The following HPSE2 variants were observed in gnomAD, a reference collection of about 807,000 sequenced individuals.
HPSE2 encodes inactive heparanase-2.
HPSE2 carries 38 observed loss-of-function variants against 60.5 expected under a neutral mutation model. The observed-to-expected ratio is 0.63, with a 90% confidence interval of 0.48 to 0.82. The LOEUF (loss-of-function observed/expected upper bound fraction) is 0.82. Among genes scored for constraint, HPSE2 ranks in the 40% least tolerant of loss-of-function variants. The pLI, the probability that HPSE2 is intolerant of heterozygous loss-of-function variation, is 0.00. For synonymous variants in HPSE2, 295 were observed against 293.2 expected, an observed-to-expected ratio of 1.01 and a Z score of -0.06; for missense variants, 713 against 740.4, an observed-to-expected ratio of 0.96 and a Z score of 0.43.
intron 5 of HPSE2, among the ~76,000 whole-genome samples, chr10:98,719,804 C>T (rs946393998): frequency 6.6e-6 from 1 of 151,488 alleles, no homozygotes; most frequent in Non-Finnish European, 1.5e-5. Flanking sequence ...AGCTCAACAC[C>T]AGCCTGACCA....
At chr10:98,637,432 CAAT>C (rs376510472) in intron 7 of HPSE2, among the ~76,000 whole-genome samples, 1 of 152,156 alleles carries the variant, frequency 6.6e-6, no homozygotes, top group Non-Finnish European at 1.5e-5. Context: ...ACTATAACAA[CAAT>C]AATAATAGCA....
At chr10:99,178,808 C>A (rs1015238708) in intron 2 of HPSE2, among the ~76,000 whole-genome samples, 3 of 152,128 alleles carry the variant, frequency 2.0e-5, no homozygotes, top group Non-Finnish European at 4.4e-5. Context: ...CTGGCAGAGA[C>A]ACAACAAAAA....
intron 4 of HPSE2, among the ~76,000 whole-genome samples, chr10:98,736,357 CTT>C (rs1949358634): frequency 6.6e-6 from 1 of 152,032 alleles, no homozygotes; most frequent in South Asian, 2.1e-4. Context: ...TCGAGTATGT[CTT>C]TATCAGCAGC....
chr10:99,081,623 G>GAA (rs1564791638), intron 3 of HPSE2, among the ~76,000 whole-genome samples: 30 of 112,308 alleles, frequency 2.7e-4, no homozygotes, highest in African/African-American at 8.5e-4. Context: ...ATGATGATGA[G>GAA]ATAATATAAT....
chr10:99,292,897 C>A, the HPSE2 span, among the ~76,000 whole-genome samples: 1 of 152,076 alleles, frequency 6.6e-6, no homozygotes, highest in East Asian at 1.9e-4. Context: ...TTTTGATAAA[C>A]ATAAATATTA....
intron 3 of HPSE2, among the ~76,000 whole-genome samples, chr10:99,119,985 A>G (rs1288455929): frequency 6.6e-6 from 1 of 152,242 alleles, no homozygotes; most frequent in Admixed American, 6.5e-5. Context: ...ACAAAACTTA[A>G]AAACCCTGGA....
intron 3 of HPSE2, among the ~76,000 whole-genome samples, chr10:98,974,702 G>A (rs939298206): frequency 1.3e-5 from 2 of 152,166 alleles, no homozygotes; most frequent in Non-Finnish European, 2.9e-5. Flanking sequence ...AATTCAACTT[G>A]AGGCACCAAT....
At chr10:99,245,800 T>C in the HPSE2 span, among the ~76,000 whole-genome samples, 1 of 152,134 alleles carries the variant, frequency 6.6e-6, no homozygotes, top group Non-Finnish European at 1.5e-5. Flanking sequence ...TAGTAAAATT[T>C]GCAAAAAGGC....
At chr10:98,716,835 A>C (rs1948803051) in intron 5 of HPSE2, among the ~76,000 whole-genome samples, 1 of 152,120 alleles carries the variant, frequency 6.6e-6, no homozygotes, top group Non-Finnish European at 1.5e-5. Context: ...AGTAGGTCTC[A>C]GTAGTGGGTG....
chr10:98,863,960 A>AAT (rs145290704), intron 3 of HPSE2, among the ~76,000 whole-genome samples: 21,373 of 151,798 alleles, frequency 0.14, 2,139 homozygotes, highest in African/African-American at 0.27. Flanking sequence ...TACGTATATG[A>AAT]ATATATATAT....
chr10:99,235,883 C>T (rs902958882), upstream of HPSE2: 31 of 1,244,228 alleles, frequency 2.5e-5, no homozygotes, highest in Non-Finnish European at 3.2e-5. Flanking sequence ...TGTGTCTGTC[C>T]GCCTTTTTCC....
At chr10:99,110,683 A>G (rs2135677215) in intron 3 of HPSE2, among the ~76,000 whole-genome samples, 1 of 152,128 alleles carries the variant, frequency 6.6e-6, no homozygotes, top group East Asian at 1.9e-4. Context: ...TCCTTTACTA[A>G]TATATTAGAA....
At chr10:98,915,819 G>T (rs1954105543) in intron 3 of HPSE2, among the ~76,000 whole-genome samples, 1 of 152,176 alleles carries the variant, frequency 6.6e-6, no homozygotes, top group Non-Finnish European at 1.5e-5. Flanking sequence ...GAAATGGGTA[G>T]AAATGCATAT....
intron 9 of HPSE2, among the ~76,000 whole-genome samples, chr10:98,521,609 T>A (rs2133774427): frequency 6.6e-6 from 1 of 152,278 alleles, no homozygotes; most frequent in Middle Eastern, 3.4e-3. Context: ...AGAAATACCA[T>A]TTGACCCAGC....
intron 3 of HPSE2, among the ~76,000 whole-genome samples, chr10:98,971,859 C>G (rs1185644740): frequency 6.6e-6 from 1 of 152,010 alleles, no homozygotes; most frequent in Non-Finnish European, 1.5e-5. Flanking sequence ...CATTTGTTTT[C>G]CAGAATAGCT....
intron 2 of HPSE2, among the ~76,000 whole-genome samples, chr10:99,149,782 G>C (rs1846190631): frequency 6.6e-6 from 1 of 151,868 alleles, no homozygotes. Flanking sequence ...AAGACTCAAA[G>C]CCAGAAAACT....
intron 2 of HPSE2, among the ~76,000 whole-genome samples, chr10:99,198,103 A>G (rs1441450538): frequency 6.6e-6 from 1 of 152,102 alleles, no homozygotes; most frequent in Non-Finnish European, 1.5e-5. Context: ...CCAAGGCCAC[A>G]GTAATTTATT....
chr10:98,704,688 G>A (rs1019459230), intron 5 of HPSE2, among the ~76,000 whole-genome samples: 8 of 152,142 alleles, frequency 5.3e-5, no homozygotes, highest in African/African-American at 1.7e-4. Context: ...ATATTGTGCT[G>A]GGAAAACTGG....
At chr10:99,005,538 C>A (rs917702070) in intron 3 of HPSE2, among the ~76,000 whole-genome samples, 3 of 152,086 alleles carry the variant, frequency 2.0e-5, no homozygotes, top group African/African-American at 7.2e-5. Flanking sequence ...AAATTCCTCA[C>A]TTTGGTAGTT....
Sources: allele counts gnomAD v4.1 joint callset (sites outside exome capture counted in the v4.1 genomes callset), GRCh38; gene constraint gnomAD v4.1.1; transcripts MANE v1.5; gene names NCBI Gene and HGNC (gene_info 2026-07-23, HGNC 2026-07-21).